DNAH17: variants seen among roughly 807,000 people sequenced by gnomAD.
The protein encoded by DNAH17 is axonemal beta dynein heavy chain 17.
Under a neutral mutation model 485.6 loss-of-function variants are expected in DNAH17, and 376 were observed. That is an observed-to-expected ratio of 0.77 (90% CI 0.71 to 0.84). DNAH17 has a LOEUF of 0.84. Among genes scored for constraint, DNAH17 ranks in the 40% least tolerant of loss-of-function variants. The pLI is 0.00. For missense variants in DNAH17, 6,370 were observed against 5,839.3 expected, an observed-to-expected ratio of 1.09 and a Z score of -2.96; for synonymous variants, 3,031 against 2,405.9, an observed-to-expected ratio of 1.26 and a Z score of -7.60.
chr17:78,443,713 C>G (rs958569334), intron 71 of DNAH17, among the ~76,000 whole-genome samples: 71 of 152,286 alleles, frequency 4.7e-4, no homozygotes, highest in African/African-American at 1.7e-3. Flanking sequence ...CCGCGCCCTG[C>G]TAATTTTTAG....
In DNAH17 at chr17:78,506,784, C is replaced by T. The variant is rs778930339; in HGVS notation, c.4739G>A (p.Arg1580Gln). ...YLETKRLAFP[R>Q]FYFVSSADLL... ...GTCAGCCGAGGAGACAAAATAGAAC[C>T]GGGGGAAAGCCAGTCTTTTCGTCTC... The change falls in exon 30 of 81, where the codon CGG becomes CAG. Residue 1580 changes from arginine to glutamine, a missense_variant. Physicochemically the swap from Arg to Gln is conservative, Grantham distance 43. Coordinates refer to ENST00000389840, the MANE Select transcript of DNAH17 (RefSeq NM_173628.4). The T allele has an allele frequency of 6.2e-6, 10 of 1,613,844 alleles. No individual in the cohort carries two copies. In the Admixed American group the frequency reaches 8.3e-5, roughly 13 times the overall value.
chr17:78,475,629 C>G (rs1178100759), intron 53 of DNAH17, 40 bp downstream of exon 53: 2 of 1,610,088 alleles, frequency 1.2e-6, no homozygotes, highest in Non-Finnish European at 1.7e-6. Flanking sequence ...GTGACCCGGT[C>G]CAGGTCCCGT....
intron 69 of DNAH17, among the ~76,000 whole-genome samples, chr17:78,446,204 A>G (rs1402250296): frequency 7.2e-6 from 1 of 139,526 alleles, no homozygotes; most frequent in African/African-American, 2.6e-5. Flanking sequence ...AAAAATTGAC[A>G]ATTGTAACCA....
chr17:78,478,022 AC>A (rs1415249603), intron 51 of DNAH17, among the ~76,000 whole-genome samples: 18 of 104,300 alleles, frequency 1.7e-4, no homozygotes, highest in Middle Eastern at 5.0e-3. Context: ...CATCACCATC[AC>A]CACCACCATC....
chr17:78,495,392 C>CA (rs2090032543), intron 38 of DNAH17, among the ~76,000 whole-genome samples: 1 of 151,904 alleles, frequency 6.6e-6, no homozygotes, highest in Non-Finnish European at 1.5e-5. Context: ...CAGGGGAAGA[C>CA]AGAGTGCTTT....
chr17:78,437,962 G>A, intron 73 of DNAH17, 94 bp from the exon 74 acceptor site: 1 of 923,298 alleles, frequency 1.1e-6, no homozygotes, highest in South Asian at 1.7e-5. Context: ...GGTGAGGGCA[G>A]GGCTCTTCTG....
Position 78,525,013 on chromosome 17 carries a change from A to C in DNAH17, c.3860T>G (p.Val1287Gly), listed in dbSNP as rs781553504. The C allele has an allele frequency of 5.6e-6, 9 of 1,612,480 alleles. No individual in the cohort carries two copies. The South Asian group carries it at 7.7e-5, about 14-fold the overall frequency. Reference sequence around the variant, plus strand: ...CGCGGCGTGCCCTGCACTCACCACAACAACCATGTCCCAGAGCTCCTTCAG... The same window carrying C: ...CGCGGCGTGCCCTGCACTCACCACACCAACCATGTCCCAGAGCTCCTTCAG... The part of the protein sequence containing the change: ...RLLKELWDMV[V>G]VVNTSIEDWK... The change falls in exon 25 of 81, where the codon GTT (valine) becomes GGT (glycine). Residue 1287 changes from valine (V) to glycine (G), a missense_variant. Coordinates refer to ENST00000389840, the MANE Select transcript of DNAH17 (RefSeq NM_173628.4).
At position 78,507,474 on chromosome 17, in the gene DNAH17, A is replaced by G. The variant is rs751110081; in HGVS notation, c.4568T>C (p.Ile1523Thr). The G allele has an allele frequency of 3.1e-6, 5 of 1,612,254 alleles. No homozygotes were observed. The highest frequency in any genetic ancestry group is 2.2e-5 in the South Asian group (2 of 91,076). ...TGTGCTCACCTTGAATTCCTGGTTG[A>G]TGTCGTCAAAGCGCTGGGAGTCCCC... ...LPGDSQRFDD[I>T]NQEFKALMED... The change falls in exon 28 of 81, where the codon ATC (isoleucine) becomes ACC (threonine). Residue 1523 changes from isoleucine to threonine, a missense_variant. Ile to Thr is a moderately conservative substitution (Grantham distance 89, BLOSUM62 -1). Coordinates refer to ENST00000389840, the MANE Select transcript of DNAH17 (RefSeq NM_173628.4).
intron 54 of DNAH17, among the ~76,000 whole-genome samples, chr17:78,471,397 T>TA (rs1377144543): frequency 6.6e-6 from 1 of 152,180 alleles, no homozygotes; most frequent in Non-Finnish European, 1.5e-5. Flanking sequence ...TGCCTCGAGG[T>TA]AAGGAGCGTA....
intron 1 of DNAH17, among the ~76,000 whole-genome samples, chr17:78,576,220 C>T (rs557838701): frequency 6.6e-6 from 1 of 152,142 alleles, no homozygotes; most frequent in Non-Finnish European, 1.5e-5. Flanking sequence ...CTACAGTTCC[C>T]CAAAAGACAC....
At chr17:78,506,918 G>T in intron 29 of DNAH17, 72 bp from the exon 30 acceptor site, 1 of 1,588,836 alleles carries the variant, frequency 6.3e-7, no homozygotes, top group Non-Finnish European at 8.6e-7. Context: ...CCACCCTGTC[G>T]GCGAAGGAAA....
intron 74 of DNAH17, among the ~76,000 whole-genome samples, chr17:78,436,968 G>A (rs1308000957): frequency 1.3e-5 from 2 of 152,176 alleles, no homozygotes; most frequent in African/African-American, 4.8e-5. Flanking sequence ...ACAGACCCCA[G>A]GCAGATGCAG....
chr17:78,525,384 A>C lies in DNAH17; in HGVS notation c.3712-223T>G, dbSNP rs76329978. Among the ~76,000 whole-genome samples, 21,759 of 152,148 alleles carry C rather than the reference A, an allele frequency of 0.14. 1,820 individuals carry two copies. The highest frequency in any genetic ancestry group is 0.22 in the Middle Eastern group (66 of 294). ...GGGAGGGCGGGTGACCTCTACCCAC[A>C]CCAGCGTGGGGACTGACTCCCAATG... On this transcript the variant is annotated intron_variant, in intron 24 of 80. Coordinates refer to ENST00000389840, the MANE Select transcript of DNAH17 (RefSeq NM_173628.4).
In DNAH17 at chr17:78,476,719, G is replaced by A. The variant is rs1275938612; in HGVS notation, c.8007C>T (p.Ser2669=). ...LSNIFQGLLF[S]TAEVLKTPLD... ...GTGGGGTTTTCAGAACTTCTGCTGT[G>A]GAAAATAAGAGTCCCTGCCCCAAAC... The change falls in exon 52 of 81, where the codon TCC becomes TCT. Residue 2669 remains serine, a synonymous_variant. Transcript: ENST00000389840. 6.2e-7 allele frequency: 1 copy of A among 1,612,366 alleles called. No homozygotes were observed. The highest frequency in any genetic ancestry group is 8.5e-7 in the Non-Finnish European group (1 of 1,179,206).
chr17:78,469,931 A>G (rs1365489778), intron 54 of DNAH17, among the ~76,000 whole-genome samples: 1 of 151,968 alleles, frequency 6.6e-6, no homozygotes, highest in African/African-American at 2.4e-5. Flanking sequence ...GGGAATGGGG[A>G]GTTGTTTAAT....
At position 78,570,876 on chromosome 17, in the gene DNAH17, AAAG is replaced by A. The variant is rs1306278204; in HGVS notation, c.918+69_918+71del. 5.6e-4 allele frequency: 449 copies of A among 802,358 alleles called. 1 individual carries two copies. The highest frequency in any genetic ancestry group is 1.2e-3 in the Middle Eastern group (3 of 2,566). The allele number at this position is 802,358 out of a possible 1,614,324, so 49.7% of individuals were successfully genotyped here. ...CCTCTCAAAAAAAAAAAAAAAAAAA[AAAG>A]AAAAAAGAAAAGAAAAGAAAAGAAA... On this transcript the variant is annotated intron_variant, in intron 6 of 80. Transcript: ENST00000389840.
rs2089971291 is a variant in DNAH17 at position 78,494,053 on chromosome 17, C to T, written c.6391G>A (p.Gly2131Ser). 4 of 1,612,684 alleles carry T rather than the reference C, an allele frequency of 2.5e-6. No homozygotes were observed. Among genetic ancestry groups the T allele is most frequent in the Non-Finnish European group, 2.5e-6 (3 of 1,179,750 alleles). ...RHSVFIVGNA[G>S]SGKSQVLKSL... ...TGACACACCTGAGATTTGCCGCTGC[C>T]CGCATTCCCGACGATGAACACGGAG... The change falls in exon 41 of 81, where the codon GGC becomes AGC. Residue 2131 changes from glycine (G) to serine (S), a missense_variant. Physicochemically the swap from Gly to Ser is moderately conservative, Grantham distance 56. Transcript: ENST00000389840.
chr17:78,561,598 G>T, intron 12 of DNAH17, 117 bp downstream of exon 12: 1 of 1,270,008 alleles, frequency 7.9e-7, no homozygotes, highest in Non-Finnish European at 1.1e-6. Flanking sequence ...CTTTTGCTCT[G>T]GGAGGTAACA....
intron 10 of DNAH17, 83 bp from the exon 11 acceptor site, chr17:78,566,813 G>T: frequency 7.5e-7 from 1 of 1,334,084 alleles, no homozygotes; most frequent in Non-Finnish European, 1.0e-6. Flanking sequence ...GCCCTGCTGA[G>T]AGGACTCGGG....
Sources: gnomAD v4.1 joint callset for allele counts (sites outside exome capture counted in the v4.1 genomes callset) on GRCh38, gnomAD v4.1.1 for gene constraint, MANE v1.5 for transcripts, NCBI Gene and HGNC (gene_info 2026-07-23, HGNC 2026-07-21) for gene names.